DPP6: variants seen among roughly 807,000 people sequenced by gnomAD.
DPP6 encodes the protein A-type potassium channel modulatory protein DPP6.
Under a neutral mutation model 122.6 loss-of-function variants are expected in DPP6, and 69 were observed. That is an observed-to-expected ratio of 0.56 (90% CI 0.46 to 0.69). DPP6 has a LOEUF of 0.69. Ranked by LOEUF, DPP6 falls within the 30% of genes least tolerant of loss-of-function variation. The pLI, the probability that DPP6 is intolerant of heterozygous loss-of-function variation, is 0.00. For missense variants in DPP6, 928 were observed against 1,116.9 expected (o/e 0.83, Z 2.41); for synonymous variants, 418 against 433.1 (o/e 0.97, Z 0.43).
intron 1 of DPP6, among the ~76,000 whole-genome samples, chr7:154,351,634 G>C (rs562263744): frequency 6.6e-6 from 1 of 152,194 alleles, no homozygotes; most frequent in African/African-American, 2.4e-5. Context: ...GGAGAGCCTG[G>C]AATGTGCTGT....
chr7:154,230,120 T>TGCACCCTCCTCC (rs904277100), intron 1 of DPP6, among the ~76,000 whole-genome samples: 1 of 152,068 alleles, frequency 6.6e-6, no homozygotes, highest in African/African-American at 2.4e-5. Flanking sequence ...TTTCCTTCTC[T>TGCACCCTCCTCC]GCACCCTCCT....
intron 10 of DPP6, among the ~76,000 whole-genome samples, chr7:154,779,019 C>CCAT: frequency 6.8e-6 from 1 of 147,250 alleles, no homozygotes; most frequent in East Asian, 2.1e-4. Flanking sequence ...CAGCACCCCA[C>CCAT]CATCACCTCC....
At chr7:154,743,908 A>G (rs1217594185) in intron 8 of DPP6, among the ~76,000 whole-genome samples, 1 of 152,154 alleles carries the variant, frequency 6.6e-6, no homozygotes, top group Non-Finnish European at 1.5e-5. Context: ...TACTTTCCAT[A>G]TGTATTTGGT....
At chr7:154,649,368 G>T (rs553548274) in intron 6 of DPP6, among the ~76,000 whole-genome samples, 6 of 152,300 alleles carry the variant, frequency 3.9e-5, no homozygotes, top group Admixed American at 1.3e-4. Context: ...TTCATCCAAC[G>T]TGTTTTCCTT....
At chr7:154,104,862 T>C in intron 1 of DPP6, among the ~76,000 whole-genome samples, 1 of 151,244 alleles carries the variant, frequency 6.6e-6, no homozygotes, top group African/African-American at 2.4e-5. Context: ...GTGGCATACC[T>C]CTGTGTGTGT....
At chr7:154,064,626 C>A (rs1348054756) in intron 1 of DPP6, among the ~76,000 whole-genome samples, 1 of 151,986 alleles carries the variant, frequency 6.6e-6, no homozygotes. Flanking sequence ...AAAACTCTTT[C>A]TATCTGTGTC....
At chr7:154,283,574 A>G (rs1025649338) in intron 1 of DPP6, among the ~76,000 whole-genome samples, 1 of 151,858 alleles carries the variant, frequency 6.6e-6, no homozygotes. Flanking sequence ...TCTTTGAGAA[A>G]CTTACTCTTT....
chr7:153,772,867 GTTTC>G, the DPP6 span, among the ~76,000 whole-genome samples: 1 of 143,758 alleles, frequency 7.0e-6, no homozygotes, highest in South Asian at 2.2e-4. Flanking sequence ...AATTTTTCTT[GTTTC>G]TTTTATATTA....
intron 1 of DPP6, among the ~76,000 whole-genome samples, chr7:154,126,907 C>A (rs556012679): frequency 6.6e-6 from 1 of 152,098 alleles, no homozygotes; most frequent in Non-Finnish European, 1.5e-5. Flanking sequence ...TCTAGTTATA[C>A]CGATTTTCTT....
At chr7:154,316,629 C>T (rs1213422430) in intron 1 of DPP6, among the ~76,000 whole-genome samples, 1 of 152,190 alleles carries the variant, frequency 6.6e-6, no homozygotes, top group African/African-American at 2.4e-5. Context: ...GAATCAAGAT[C>T]AGAGGAATGC....
chr7:154,349,957 C>A (rs1810710691), intron 1 of DPP6, among the ~76,000 whole-genome samples: 1 of 152,214 alleles, frequency 6.6e-6, no homozygotes, highest in Non-Finnish European at 1.5e-5. Context: ...GAGTTACATT[C>A]CATAAATAAA....
the DPP6 span, among the ~76,000 whole-genome samples, chr7:153,852,662 A>G: frequency 6.6e-6 from 1 of 152,162 alleles, no homozygotes; most frequent in East Asian, 1.9e-4. Flanking sequence ...TACAGTACAC[A>G]TTGTGAGCCA....
Position 154,618,417 on chromosome 7 carries a change from AC to A in DPP6, c.628-19403del, listed in dbSNP as rs1834407195. Among the ~76,000 whole-genome samples, 1 of 152,206 alleles carries A rather than the reference AC, an allele frequency of 6.6e-6. No homozygotes were observed. Among genetic ancestry groups the A allele is most frequent in the Non-Finnish European group, 1.5e-5 (1 of 68,042 alleles). On this transcript the variant is annotated intron_variant, in intron 5 of 25. Transcript: ENST00000377770. The surrounding 1 kb of genome is among the most constrained non-coding windows in gnomAD (Gnocchi z 4.1). ...GATTTCAGACCCTTCCTGTGCACAC[AC>A]ACTGTTGCTTGCCCAGACATGCTTC...
chr7:154,432,049 G>C (rs1359521624), intron 1 of DPP6, among the ~76,000 whole-genome samples: 3 of 152,114 alleles, frequency 2.0e-5, no homozygotes, highest in Non-Finnish European at 4.4e-5. Flanking sequence ...GAAAAAATGG[G>C]GGTAACGGTA....
chr7:154,204,191 G>A (rs1799315542), intron 1 of DPP6, among the ~76,000 whole-genome samples: 4 of 152,212 alleles, frequency 2.6e-5, no homozygotes, highest in Non-Finnish European at 5.9e-5. Flanking sequence ...AGAGTGGCAT[G>A]GGCATCCTCA....
chr7:153,782,826 T>C, the DPP6 span, among the ~76,000 whole-genome samples: 1 of 152,174 alleles, frequency 6.6e-6, no homozygotes. Context: ...CTAGTCTTAC[T>C]CTATGGTTAC....
the DPP6 span, among the ~76,000 whole-genome samples, chr7:153,866,549 A>G: frequency 0.077 from 11,648 of 151,838 alleles, 645 homozygotes; most frequent in East Asian, 0.25. Flanking sequence ...CTGGATATTC[A>G]CCCTTTGTCA....
intron 1 of DPP6, among the ~76,000 whole-genome samples, chr7:154,419,823 A>G (rs1008572736): frequency 6.6e-6 from 1 of 152,104 alleles, no homozygotes; most frequent in Non-Finnish European, 1.5e-5. Context: ...TTGAATTCCC[A>G]CCAGCAGTGT....
the DPP6 span, among the ~76,000 whole-genome samples, chr7:153,842,991 T>C: frequency 6.6e-6 from 1 of 152,152 alleles, no homozygotes; most frequent in Admixed American, 6.5e-5. Flanking sequence ...TGCATGTGTG[T>C]GTGCACGCAC....
Sources: gnomAD v4.1 joint callset for allele counts (sites outside exome capture counted in the v4.1 genomes callset) on GRCh38, gnomAD v4.1.1 for gene constraint, Gnocchi (gnomAD v3.1) non-coding constraint, MANE v1.5 for transcripts, NCBI Gene and HGNC (gene_info 2026-07-23, HGNC 2026-07-21) for gene names.